Variants in WDPCP observed in about 807,000 individuals in gnomAD.
WDPCP encodes WD repeat containing planar cell polarity effector, also known as WD repeat-containing and planar cell polarity effector protein fritz homolog.
A neutral mutation model predicts 93.1 loss-of-function variants in WDPCP; 71 were observed. The observed-to-expected ratio is 0.76, with a 90% confidence interval of 0.63 to 0.93. The LOEUF (loss-of-function observed/expected upper bound fraction) is 0.93. Ranked by LOEUF, WDPCP falls within the 40% of genes least tolerant of loss-of-function variation. The pLI is 0.00. For synonymous variants in WDPCP, 315 were observed against 315.0 expected (o/e 1.00, Z 0.00); for missense variants, 844 against 887.4 (o/e 0.95, Z 0.62).
chr2:63,678,258 G>C (rs1280133041), intron 2 of WDPCP, among the ~76,000 whole-genome samples: 1 of 152,140 alleles, frequency 6.6e-6, no homozygotes, highest in Non-Finnish European at 1.5e-5. Flanking sequence ...CTCATCCTAG[G>C]CAGGAAGAAA....
At chr2:63,541,175 G>A (rs555618939) in intron 1 of WDPCP, among the ~76,000 whole-genome samples, 1 of 152,056 alleles carries the variant, frequency 6.6e-6, no homozygotes, top group Non-Finnish European at 1.5e-5. Flanking sequence ...TTTTTGCCGT[G>A]TTGGTCAGGC....
chr2:63,617,146 T>C (rs546386453), intron 3 of WDPCP, among the ~76,000 whole-genome samples: 78 of 152,344 alleles, frequency 5.1e-4, no homozygotes, highest in Non-Finnish European at 7.3e-4. Context: ...AAATTCCACA[T>C]TGGCCATGCT....
intron 1 of WDPCP, among the ~76,000 whole-genome samples, chr2:63,552,124 T>C (rs1200209720): frequency 1.4e-5 from 2 of 144,698 alleles, no homozygotes; most frequent in Admixed American, 1.4e-4. Flanking sequence ...TTATATTCTA[T>C]ATTCTATTTA....
At chr2:63,543,520 A>C (rs1558783341) in intron 1 of WDPCP, among the ~76,000 whole-genome samples, 1 of 152,092 alleles carries the variant, frequency 6.6e-6, no homozygotes, top group Non-Finnish European at 1.5e-5. Context: ...TTAAAAGGAA[A>C]ATAAAACCTC....
chr2:63,753,026 T>C (rs370504811), intron 2 of WDPCP, among the ~76,000 whole-genome samples: 3 of 152,266 alleles, frequency 2.0e-5, no homozygotes, highest in Non-Finnish European at 4.4e-5. Context: ...CTTTATTGTT[T>C]TTCTGTTTTT....
intron 14 of WDPCP, among the ~76,000 whole-genome samples, chr2:63,199,813 C>G (rs1340890475): frequency 6.6e-6 from 1 of 152,214 alleles, no homozygotes; most frequent in African/African-American, 2.4e-5. Flanking sequence ...CCATCATCCC[C>G]CAGACCCCAG....
intron 14 of WDPCP, among the ~76,000 whole-genome samples, chr2:63,228,070 G>C (rs551180254): frequency 2.0e-5 from 3 of 152,154 alleles, no homozygotes; most frequent in African/African-American, 7.2e-5. Flanking sequence ...AGAAGTTTTA[G>C]AAGGCTCAAC....
chr2:63,665,689 C>G (rs1710275136), intron 2 of WDPCP, among the ~76,000 whole-genome samples: 1 of 152,138 alleles, frequency 6.6e-6, no homozygotes, highest in Admixed American at 6.5e-5. Context: ...AATTTGACAA[C>G]TAGGAGGTGG....
intron 1 of WDPCP, among the ~76,000 whole-genome samples, chr2:63,544,724 T>C (rs1239484859): frequency 6.6e-6 from 1 of 152,144 alleles, no homozygotes; most frequent in African/African-American, 2.4e-5. Context: ...AAAAGCTGTA[T>C]ATAAGGAAAG....
intron 1 of WDPCP, chr2:63,571,231 A>C: frequency 2.7e-6 from 1 of 376,474 alleles, no homozygotes. Flanking sequence ...ATTTAACATT[A>C]CCATGTGTCA....
At position 63,668,570 on chromosome 2, in the gene WDPCP, C is replaced by T. The variant is rs565590975; in HGVS notation, n.309-17732G>A. Among the ~76,000 whole-genome samples the T allele has an allele frequency of 9.9e-5, 15 of 152,278 alleles. No homozygotes were observed. In the South Asian group the frequency reaches 2.3e-3, roughly 23 times the overall value. On this transcript the variant is annotated intron_variant and non_coding_transcript_variant, in intron 2 of 4. Transcript: ENST00000467687. ...GTGAAATTATACTTTTTATTTATAACGTAAATATATATTCATGGGCAGGAC... is the reference window on the plus strand; with the variant it reads ...GTGAAATTATACTTTTTATTTATAATGTAAATATATATTCATGGGCAGGAC...
intron 14 of WDPCP, among the ~76,000 whole-genome samples, chr2:63,248,999 C>G (rs1238222940): frequency 3.3e-5 from 5 of 151,666 alleles, no homozygotes; most frequent in Non-Finnish European, 7.4e-5. Context: ...AAGACTTTGC[C>G]TAGTTAGTAA....
At chr2:63,520,595 A>T (rs930137658) in intron 1 of WDPCP, among the ~76,000 whole-genome samples, 10 of 152,194 alleles carry the variant, frequency 6.6e-5, no homozygotes, top group African/African-American at 1.7e-4. Flanking sequence ...AGCATTTTTT[A>T]AAAAAAGAAT....
chr2:63,734,874 C>T (rs749226372), intron 2 of WDPCP, among the ~76,000 whole-genome samples: 6 of 93,960 alleles, frequency 6.4e-5, no homozygotes, highest in Non-Finnish European at 1.2e-4. Flanking sequence ...GATAGATAGA[C>T]AGACAGACAG....
intron 14 of WDPCP, chr2:63,229,300 T>C (rs965565957): frequency 2.6e-5 from 4 of 152,174 alleles, no homozygotes; most frequent in African/African-American, 9.7e-5. Context: ...TTCTTGTAAA[T>C]TTATTTGAGT....
rs1669446678 is a variant in WDPCP at position 63,119,565 on chromosome 2, T to C, written c.*2441A>G. On this transcript the variant is annotated 3_prime_UTR_variant, in exon 18 of 18. Coordinates refer to ENST00000272321, the MANE Select transcript of WDPCP (RefSeq NM_015910.7). Reference sequence around the variant, plus strand: ...AAGCAAAAACTTTTAGACATTAGCATTCCAAGCAAAGTTTATTCTAGCAAT... The same window carrying C: ...AAGCAAAAACTTTTAGACATTAGCACTCCAAGCAAAGTTTATTCTAGCAAT... 6.6e-6 allele frequency: 1 copy of C among 152,180 alleles called. No homozygotes were observed. The highest frequency in any genetic ancestry group is 6.5e-5 in the Admixed American group (1 of 15,288). 9.4% of individuals were successfully genotyped at this position (152,180 alleles called of 1,614,324 possible).
At chr2:63,711,766 C>T (rs187583234) in intron 2 of WDPCP, among the ~76,000 whole-genome samples, 25 of 152,172 alleles carry the variant, frequency 1.6e-4, no homozygotes, top group African/African-American at 2.9e-4. Flanking sequence ...GTTCTTAAAA[C>T]GAACCGACAA....
At chr2:63,717,260 C>A in intron 2 of WDPCP, 1 of 540,952 alleles carries the variant, frequency 1.8e-6, no homozygotes. Context: ...AAGAAGCAGG[C>A]CAGAATTAAG....
At chr2:63,478,236 T>G (rs532782561) in intron 6 of WDPCP, among the ~76,000 whole-genome samples, 5 of 152,122 alleles carry the variant, frequency 3.3e-5, no homozygotes, top group African/African-American at 1.2e-4. Context: ...CAACACAGTA[T>G]TAGCAAGGGA....
Sources: allele counts gnomAD v4.1 joint callset (sites outside exome capture counted in the v4.1 genomes callset), GRCh38; gene constraint gnomAD v4.1.1; transcripts MANE v1.5; gene names NCBI Gene and HGNC (gene_info 2026-07-23, HGNC 2026-07-21).